The following GPC6 variants were observed in gnomAD, a reference collection of about 807,000 sequenced individuals.
GPC6 encodes glypican 6, also known as glypican-6.
In GPC6, 14 loss-of-function variants were observed where a neutral mutation model predicts 55.2. The observed-to-expected ratio is 0.25, with a 90% CI of 0.17 to 0.40. The LOEUF (loss-of-function observed/expected upper bound fraction) is 0.40. GPC6 is among the 10% of genes least tolerant of loss of function. GPC6 has a pLI of 1.00. For synonymous variants in GPC6, 278 were observed against 259.6 expected (o/e 1.07, Z -0.68); for missense variants, 641 against 708.5 (o/e 0.90, Z 1.08).
intron 4 of GPC6, among the ~76,000 whole-genome samples, chr13:94,277,016 G>A (rs1260831288): frequency 1.3e-5 from 2 of 152,158 alleles, no homozygotes; most frequent in Non-Finnish European, 2.9e-5. Context: ...TTGCCATACT[G>A]TCTTCCAAAA....
chr13:93,679,158 G>T (rs946892338), intron 2 of GPC6, among the ~76,000 whole-genome samples: 3 of 152,102 alleles, frequency 2.0e-5, no homozygotes, highest in African/African-American at 7.2e-5. Flanking sequence ...TGTACAGATA[G>T]ATAACAATAG....
chr13:93,449,166 C>T (rs1878119929), intron 1 of GPC6, among the ~76,000 whole-genome samples: 1 of 152,152 alleles, frequency 6.6e-6, no homozygotes, highest in African/African-American at 2.4e-5. Flanking sequence ...CCCATGCATG[C>T]TGTGATAAAA....
At chr13:93,588,737 C>G (rs141630614) in intron 2 of GPC6, among the ~76,000 whole-genome samples, 1 of 152,056 alleles carries the variant, frequency 6.6e-6, no homozygotes, top group Admixed American at 6.6e-5. Flanking sequence ...CACTATCATG[C>G]GGACAGCACC....
intron 1 of GPC6, among the ~76,000 whole-genome samples, chr13:93,328,173 C>T (rs1170175408): frequency 6.6e-6 from 1 of 151,978 alleles, no homozygotes; most frequent in Non-Finnish European, 1.5e-5. Context: ...AAAGCAAATT[C>T]CCAGGAACAC....
chr13:93,870,254 C>T (rs1339949851), intron 3 of GPC6, among the ~76,000 whole-genome samples: 1 of 151,876 alleles, frequency 6.6e-6, no homozygotes, highest in Non-Finnish European at 1.5e-5. Context: ...CTGCCAAGTA[C>T]TTAGCAAGTG....
intron 3 of GPC6, among the ~76,000 whole-genome samples, chr13:93,961,259 T>C (rs1879762755): frequency 6.6e-6 from 1 of 152,198 alleles, no homozygotes; most frequent in African/African-American, 2.4e-5. Flanking sequence ...AAATAATCTC[T>C]TGAGTCTTAA....
intron 2 of GPC6, among the ~76,000 whole-genome samples, chr13:93,568,242 C>T (rs1431867037): frequency 1.3e-5 from 2 of 152,116 alleles, no homozygotes. Context: ...TAGAAGTATT[C>T]ATTGTGGCTT....
At chr13:94,094,149 G>T (rs1195166560) in intron 4 of GPC6, among the ~76,000 whole-genome samples, 2 of 151,950 alleles carry the variant, frequency 1.3e-5, no homozygotes, top group Admixed American at 6.6e-5. Flanking sequence ...CAGAGATTGA[G>T]GGTGTTACTT....
intron 1 of GPC6, among the ~76,000 whole-genome samples, chr13:93,272,506 A>G (rs1877569375): frequency 6.7e-6 from 1 of 148,628 alleles, no homozygotes; most frequent in East Asian, 2.0e-4. Context: ...ATATATATAT[A>G]TATATATATA....
intron 4 of GPC6, among the ~76,000 whole-genome samples, chr13:94,076,891 C>T (rs1388247243): frequency 6.7e-6 from 1 of 149,462 alleles, no homozygotes; most frequent in Non-Finnish European, 1.5e-5. Context: ...CTTTCTAATA[C>T]ATTTTGAAGT....
At chr13:93,893,746 C>T (rs1875828209) in intron 3 of GPC6, among the ~76,000 whole-genome samples, 1 of 152,196 alleles carries the variant, frequency 6.6e-6, no homozygotes, top group Non-Finnish European at 1.5e-5. Context: ...CTTCCACTGT[C>T]ACTGGCTGTT....
At chr13:94,105,210 T>G (rs1458129720) in intron 4 of GPC6, among the ~76,000 whole-genome samples, 1 of 151,996 alleles carries the variant, frequency 6.6e-6, no homozygotes, top group Admixed American at 6.6e-5. Context: ...AATTTAAAAA[T>G]TATCTGGATG....
Position 93,282,734 on chromosome 13 carries a change from T to C in GPC6, c.160+55118T>C, listed in dbSNP as rs371058058. ...CCCCCTTCCATGGAGATAATCACTT[T>C]AAGCTCTTTTACATGGTTCTTTTGG... is the stretch of plus-strand genomic sequence containing the variant. On this transcript the variant is annotated intron_variant, in intron 1 of 8. Coordinates refer to ENST00000377047, the MANE Select transcript of GPC6 (RefSeq NM_005708.5). 5.0e-3 allele frequency among the ~76,000 whole-genome samples: 711 copies of C among 142,810 alleles called. 5 individuals carry two copies. The highest frequency in any genetic ancestry group is 0.018 in the African/African-American group (678 of 38,194). 93.7% of individuals were successfully genotyped at this position (142,810 alleles called of 152,430 possible).
chr13:93,729,540 T>G (rs1237620814), intron 2 of GPC6, among the ~76,000 whole-genome samples: 1 of 152,198 alleles, frequency 6.6e-6, no homozygotes, highest in Non-Finnish European at 1.5e-5. Flanking sequence ...TAACATTATG[T>G]CTTTCAAGGT....
At chr13:93,437,117 A>T (rs1265554441) in intron 1 of GPC6, among the ~76,000 whole-genome samples, 1 of 152,144 alleles carries the variant, frequency 6.6e-6, no homozygotes, top group African/African-American at 2.4e-5. Context: ...AATCATGCCC[A>T]TATAAAAAAG....
intron 4 of GPC6, among the ~76,000 whole-genome samples, chr13:94,234,038 C>T (rs1443817526): frequency 2.6e-5 from 4 of 151,886 alleles, no homozygotes; most frequent in Non-Finnish European, 5.9e-5. Flanking sequence ...ATAGTCAGGG[C>T]GAGGTGTTTA....
chr13:94,380,197 G>T (rs1293034104), intron 6 of GPC6, among the ~76,000 whole-genome samples: 4 of 152,172 alleles, frequency 2.6e-5, no homozygotes, highest in Non-Finnish European at 5.9e-5. Flanking sequence ...CTCATTCTTA[G>T]TTTATTTTAT....
intron 2 of GPC6, among the ~76,000 whole-genome samples, chr13:93,743,974 A>G (rs1884298717): frequency 1.3e-5 from 2 of 152,330 alleles, no homozygotes; most frequent in Admixed American, 6.5e-5. Context: ...AAATTAATGT[A>G]TAAAATACAG....
intron 4 of GPC6, among the ~76,000 whole-genome samples, chr13:94,274,688 A>G (rs1475549981): frequency 3.3e-5 from 5 of 152,178 alleles, no homozygotes; most frequent in African/African-American, 1.2e-4. Context: ...GTTAATGACA[A>G]ACTTAGAGTC....
Sources: gnomAD v4.1 joint callset for allele counts (sites outside exome capture counted in the v4.1 genomes callset) on GRCh38, gnomAD v4.1.1 for gene constraint, MANE v1.5 for transcripts, NCBI Gene and HGNC (gene_info 2026-07-23, HGNC 2026-07-21) for gene names.